SGIP1: variants seen among roughly 807,000 people sequenced by gnomAD.
SGIP1 encodes the protein SH3GL interacting endocytic adaptor 1.
Under a neutral mutation model 107.5 loss-of-function variants are expected in SGIP1, and 38 were observed. That is an observed-to-expected ratio of 0.35 (90% CI 0.27 to 0.46). SGIP1 has a LOEUF of 0.46. SGIP1 is among the 20% of genes least tolerant of loss of function. The pLI is 1.00. For synonymous variants in SGIP1, 365 were observed against 366.1 expected, an observed-to-expected ratio of 1.00 and a Z score of 0.03; for missense variants, 929 against 1,019.5, an observed-to-expected ratio of 0.91 and a Z score of 1.21.
chr1:66,620,089 A>G (rs1042701745), intron 1 of SGIP1, among the ~76,000 whole-genome samples: 2 of 152,142 alleles, frequency 1.3e-5, no homozygotes, highest in African/African-American at 4.8e-5. Context: ...GGATCCCTAC[A>G]ATTCCTATCA....
chr1:66,726,482 A>G (rs937764072), intron 19 of SGIP1, among the ~76,000 whole-genome samples: 14 of 152,242 alleles, frequency 9.2e-5, no homozygotes. Context: ...TTTCAGAACT[A>G]TCATAAAGCT....
At chr1:66,740,155 G>A (rs1404769420) in intron 22 of SGIP1, among the ~76,000 whole-genome samples, 1 of 152,162 alleles carries the variant, frequency 6.6e-6, no homozygotes, top group African/African-American at 2.4e-5. Context: ...TGTAGCCTCT[G>A]AACTATAAAA....
At chr1:66,650,757 T>C (rs2078596848) in intron 7 of SGIP1, among the ~76,000 whole-genome samples, 1 of 152,218 alleles carries the variant, frequency 6.6e-6, no homozygotes, top group African/African-American at 2.4e-5. Flanking sequence ...GGTTTAATCT[T>C]TGATGTGATC....
intron 1 of SGIP1, among the ~76,000 whole-genome samples, chr1:66,581,650 C>G (rs1287597239): frequency 3.9e-5 from 6 of 151,942 alleles, no homozygotes; most frequent in Non-Finnish European, 5.9e-5. Flanking sequence ...CTTTGCCTGT[C>G]GCATCCTCAG....
chr1:66,579,554 A>C (rs1160675), intron 1 of SGIP1, among the ~76,000 whole-genome samples: 2 of 152,016 alleles, frequency 1.3e-5, no homozygotes, highest in Non-Finnish European at 2.9e-5. Context: ...ATATTGTCCT[A>C]GTTCATTAGA....
intron 1 of SGIP1, among the ~76,000 whole-genome samples, chr1:66,548,396 G>A (rs1016355860): frequency 1.3e-5 from 2 of 152,000 alleles, no homozygotes; most frequent in African/African-American, 4.8e-5. Context: ...TCACTATTGA[G>A]GTCGGTAGGC....
At chr1:66,707,953 T>C (rs1303265038) in intron 18 of SGIP1, among the ~76,000 whole-genome samples, 2 of 152,218 alleles carry the variant, frequency 1.3e-5, no homozygotes, top group South Asian at 4.1e-4. Context: ...ACAAGTAAGA[T>C]TTCTTTCACC....
chr1:66,604,530 A>C (rs1397915397), intron 1 of SGIP1, among the ~76,000 whole-genome samples: 1 of 151,974 alleles, frequency 6.6e-6, no homozygotes, highest in Non-Finnish European at 1.5e-5. Context: ...CTGAACCCTC[A>C]CTCTACCATT....
intron 1 of SGIP1, among the ~76,000 whole-genome samples, chr1:66,591,437 T>C (rs2063602380): frequency 6.6e-6 from 1 of 152,234 alleles, no homozygotes; most frequent in African/African-American, 2.4e-5. Context: ...GTATTTTTTC[T>C]TTTTAATAGA....
At chr1:66,679,140 A>C (rs1288732374) in intron 13 of SGIP1, among the ~76,000 whole-genome samples, 1 of 152,230 alleles carries the variant, frequency 6.6e-6, no homozygotes, top group Admixed American at 6.5e-5. Context: ...ACTTTAAAAA[A>C]TGTACTAAAA....
rs139355833 is a variant in SGIP1, at chr1:66,682,170, G to A, written c.1116G>A (p.Ser372=). The part of the protein sequence containing the change: ...GPPGPPRNVL[S]PLNLEEVQKK... Reference sequence around the variant, plus strand: ...CTGGGCCTCCTCGCAATGTACTATCGCCGCTCAATTTAGAAGAAGTCCAGA... The same window carrying A: ...CTGGGCCTCCTCGCAATGTACTATCACCGCTCAATTTAGAAGAAGTCCAGA... Residue 372 remains serine, a synonymous_variant, in exon 15 of 25, where the codon TCG becomes TCA. Coordinates refer to ENST00000371037, the MANE Select transcript of SGIP1 (RefSeq NM_032291.4). 1.9e-4 allele frequency: 303 copies of A among 1,614,142 alleles called. No individual in the cohort carries two copies. The highest frequency in any genetic ancestry group is 1.1e-3 in the African/African-American group (84 of 75,040).
chr1:66,653,799 C>T (rs908475234), intron 7 of SGIP1, among the ~76,000 whole-genome samples: 1 of 152,134 alleles, frequency 6.6e-6, no homozygotes, highest in Non-Finnish European at 1.5e-5. Flanking sequence ...ACTTTTATAC[C>T]TTTAAGGTCT....
At chr1:66,643,818 G>T (rs1558185294) in intron 7 of SGIP1, 99 bp downstream of exon 7, 2 of 1,058,174 alleles carry the variant, frequency 1.9e-6, no homozygotes, top group East Asian at 2.8e-5. Flanking sequence ...TTAAATTGAA[G>T]CCTGCATATG....
At chr1:66,542,989 A>T (rs114755013) in intron 1 of SGIP1, among the ~76,000 whole-genome samples, 1 of 152,176 alleles carries the variant, frequency 6.6e-6, no homozygotes, top group Admixed American at 6.5e-5. Flanking sequence ...TAAACAGCAG[A>T]TTGTTTAAAT....
intron 1 of SGIP1, among the ~76,000 whole-genome samples, chr1:66,568,058 G>A (rs1162556157): frequency 5.3e-5 from 8 of 152,072 alleles, no homozygotes; most frequent in African/African-American, 1.9e-4. Context: ...ATGGTAGTTT[G>A]GTGGGAATTG....
chr1:66,657,986 G>C (rs2080123860), intron 7 of SGIP1, among the ~76,000 whole-genome samples: 1 of 151,786 alleles, frequency 6.6e-6, no homozygotes, highest in East Asian at 1.9e-4. Flanking sequence ...TAAGAGGTCA[G>C]GATAATAGCC....
intron 1 of SGIP1, among the ~76,000 whole-genome samples, chr1:66,622,832 G>C (rs1331890537): frequency 6.6e-6 from 1 of 152,054 alleles, no homozygotes; most frequent in Non-Finnish European, 1.5e-5. Context: ...CTTAGTTTTT[G>C]CCCTCCCATT....
intron 13 of SGIP1, among the ~76,000 whole-genome samples, chr1:66,677,446 G>A (rs1398355219): frequency 6.6e-6 from 1 of 152,164 alleles, no homozygotes; most frequent in African/African-American, 2.4e-5. Context: ...ATAACACAGA[G>A]GTGAACAAGT....
intron 1 of SGIP1, chr1:66,615,968 A>G (rs775400800): frequency 6.6e-6 from 1 of 152,232 alleles, no homozygotes; most frequent in East Asian, 1.9e-4. Context: ...ATTCTGTGAT[A>G]TCTCTAACCC....
Sources: gnomAD v4.1 joint callset for allele counts (sites outside exome capture counted in the v4.1 genomes callset) on GRCh38, gnomAD v4.1.1 for gene constraint, MANE v1.5 for transcripts, NCBI Gene and HGNC (gene_info 2026-07-23, HGNC 2026-07-21) for gene names.